The following SLC7A8 variants were observed in gnomAD, a reference collection of about 807,000 sequenced individuals.
SLC7A8 encodes the protein large neutral amino acids transporter small subunit 2.
In SLC7A8, 30 loss-of-function variants were observed where a neutral mutation model predicts 51.2. The observed-to-expected ratio is 0.59, with a 90% CI of 0.44 to 0.80. The LOEUF (loss-of-function observed/expected upper bound fraction) is 0.80. Ranked by LOEUF, SLC7A8 falls within the 30% of genes least tolerant of loss-of-function variation. SLC7A8 has a pLI of 0.00. For missense variants in SLC7A8, 612 were observed against 674.4 expected (o/e 0.91, Z 1.03); for synonymous variants, 257 against 275.8 (o/e 0.93, Z 0.67).
chr14:23,153,449 C>G lies in SLC7A8; in HGVS notation c.509-10245G>C, dbSNP rs150893178. On this transcript the variant is annotated intron_variant, in intron 3 of 10. Coordinates refer to ENST00000316902, the MANE Select transcript of SLC7A8 (RefSeq NM_012244.4). ...CGCTCCCACATCATCTCTCCTCCTG[C>G]TTGGGTCAGTGGTACCCATGGTCAC... is the stretch of plus-strand genomic sequence containing the variant. Among the ~76,000 whole-genome samples, 429 of 152,298 alleles carry G rather than the reference C, an allele frequency of 2.8e-3. 2 individuals are homozygous for G. Among genetic ancestry groups the G allele is most frequent in the African/African-American group, 9.7e-3 (402 of 41,560 alleles).
At chr14:23,149,886 G>A (rs760592851) in intron 3 of SLC7A8, among the ~76,000 whole-genome samples, 33 of 152,144 alleles carry the variant, frequency 2.2e-4, no homozygotes, top group African/African-American at 7.7e-4. Flanking sequence ...ACAGTGCTCA[G>A]TACAGTAACA....
At chr14:23,180,136 G>T (rs539071681) in intron 1 of SLC7A8, among the ~76,000 whole-genome samples, 1 of 152,142 alleles carries the variant, frequency 6.6e-6, no homozygotes, top group Non-Finnish European at 1.5e-5. Flanking sequence ...TTGATCTCCT[G>T]ACCTCGTGAT....
At chr14:23,164,739 C>A (rs890238779) in intron 3 of SLC7A8, among the ~76,000 whole-genome samples, 1 of 152,100 alleles carries the variant, frequency 6.6e-6, no homozygotes, top group Non-Finnish European at 1.5e-5. Flanking sequence ...GGCCTGTAAT[C>A]CCAGCACTTT....
intron 3 of SLC7A8, among the ~76,000 whole-genome samples, chr14:23,164,578 T>A (rs76888471): frequency 2.0e-5 from 3 of 151,940 alleles, no homozygotes; most frequent in Non-Finnish European, 2.9e-5. Context: ...GTGAAAATCA[T>A]AGTGCCTCCA....
chr14:23,129,864 G>T (rs1053411419), intron 8 of SLC7A8, 65 bp from the exon 9 acceptor site: 25 of 1,572,340 alleles, frequency 1.6e-5, no homozygotes, highest in Non-Finnish European at 2.2e-5. Flanking sequence ...TTACAGATTA[G>T]GGGCTGTCCC....
In SLC7A8 at chr14:23,165,155, C is replaced by G; in HGVS notation, c.508+130G>C. The G allele has an allele frequency of 2.1e-6, 2 of 957,488 alleles. No individual in the cohort carries two copies. The highest frequency in any genetic ancestry group is 2.9e-6 in the Non-Finnish European group (2 of 698,950). The allele number at this position is 957,488 out of a possible 1,614,324, so 59.3% of individuals were successfully genotyped here. On this transcript the variant is annotated intron_variant, in intron 3 of 10. Coordinates refer to ENST00000316902, the MANE Select transcript of SLC7A8 (RefSeq NM_012244.4). The surrounding 1 kb of genome is among the most constrained non-coding windows in gnomAD (Gnocchi z 4.2). ...ATCACTTGAGCCCAGGAGTTCAAGG[C>G]TGCAGTGAGCTATGATCATGCGGCT... is the stretch of plus-strand genomic sequence containing the variant.
intron 7 of SLC7A8, among the ~76,000 whole-genome samples, chr14:23,137,623 G>A (rs879367923): frequency 5.3e-5 from 8 of 152,204 alleles, no homozygotes; most frequent in Non-Finnish European, 1.2e-4. Flanking sequence ...TGGGGGCGGC[G>A]TCAGGCAGGC....
At chr14:23,130,643 C>T (rs568910471) in intron 8 of SLC7A8, among the ~76,000 whole-genome samples, 8 of 152,346 alleles carry the variant, frequency 5.3e-5, no homozygotes, top group Admixed American at 2.0e-4. Flanking sequence ...ACTGTCTTCT[C>T]CAGCCACCTT....
intron 1 of SLC7A8, among the ~76,000 whole-genome samples, chr14:23,167,140 G>T (rs923758640): frequency 6.6e-6 from 1 of 152,192 alleles, no homozygotes; most frequent in African/African-American, 2.4e-5. Flanking sequence ...TTCTACCCTA[G>T]ACATGACGGC....
intron 3 of SLC7A8, chr14:23,147,038 G>A (rs2048801092): frequency 6.7e-6 from 1 of 150,120 alleles, no homozygotes; most frequent in Admixed American, 6.6e-5. Context: ...TGTAGATGAG[G>A]ATCATTGGCC....
chr14:23,153,608 GA>G (rs530665519), intron 3 of SLC7A8, among the ~76,000 whole-genome samples: 56 of 152,302 alleles, frequency 3.7e-4, no homozygotes, highest in African/African-American at 1.3e-3. Flanking sequence ...TTATGCCTCA[GA>G]AACCAAGAAA....
intron 1 of SLC7A8, among the ~76,000 whole-genome samples, chr14:23,176,941 CAAAAAAAAA>C (rs10633003): frequency 1.4e-5 from 1 of 72,868 alleles, no homozygotes; most frequent in Admixed American, 1.6e-4. Flanking sequence ...GACTCTGTCT[CAAAAAAAAA>C]AAAAAAAAAA....
rs1422445310 is a variant in SLC7A8, at chr14:23,182,242, A to C, written c.151+522T>G. 3.3e-5 allele frequency among the ~76,000 whole-genome samples: 5 copies of C among 152,220 alleles called. No homozygotes were observed. In the East Asian group the frequency reaches 9.6e-4, roughly 29 times the overall value. On this transcript the variant is annotated intron_variant, in intron 1 of 10. Transcript: ENST00000316902. ...CTGTCACAGCTACTTCACACAGTAA[A>C]AGTGCTGCATAAGGTGGAAAACGCT...
At chr14:23,178,118 T>A (rs1227800303) in intron 1 of SLC7A8, among the ~76,000 whole-genome samples, 1 of 152,228 alleles carries the variant, frequency 6.6e-6, no homozygotes, top group Non-Finnish European at 1.5e-5. Context: ...TAATAAAGTG[T>A]CTACCAAATG....
intron 4 of SLC7A8, among the ~76,000 whole-genome samples, chr14:23,142,505 GTTTA>G (rs1375914923): frequency 6.6e-6 from 1 of 152,138 alleles, no homozygotes; most frequent in South Asian, 2.1e-4. Context: ...GTTTTTGTTT[GTTTA>G]TTTGTTTTTG....
At chr14:23,162,240 A>G (rs993966343) in intron 3 of SLC7A8, among the ~76,000 whole-genome samples, 21 of 152,166 alleles carry the variant, frequency 1.4e-4, no homozygotes, top group African/African-American at 4.8e-4. Context: ...GCAGCTCCAC[A>G]TGGCCTTCAC....
Position 23,127,266 on chromosome 14 carries a change from C to T in SLC7A8, c.1519G>A (p.Ala507Thr). 6.2e-7 allele frequency: 1 copy of T among 1,614,118 alleles called. No homozygotes were observed. The highest frequency in any genetic ancestry group is 8.5e-7 in the Non-Finnish European group (1 of 1,179,988). The change falls in exon 11 of 11, where the codon GCT (alanine) becomes ACT (threonine). Residue 507 changes from alanine (A) to threonine (T), a missense_variant. By Grantham distance (58) the Ala-to-Thr change is moderately conservative (BLOSUM62 0). Transcript: ENST00000316902. ...TGCTGCTCCTCCATGTCCTCATTAG[C>T]CTCCTCTGTCCCTGAGCCCCGCTCC... ...EVERGSGTEE[A>T]NEDMEEQQQP...
intron 1 of SLC7A8, among the ~76,000 whole-genome samples, chr14:23,175,350 A>G (rs1388741377): frequency 6.6e-6 from 1 of 152,156 alleles, no homozygotes; most frequent in African/African-American, 2.4e-5. Flanking sequence ...CTGGGACTAC[A>G]GGAATCTGCC....
intron 1 of SLC7A8, among the ~76,000 whole-genome samples, chr14:23,181,119 G>T (rs188902899): frequency 8.5e-5 from 13 of 152,284 alleles, no homozygotes; most frequent in Middle Eastern, 3.4e-3. Context: ...GCCTGTGGGC[G>T]TGCGCATCTG....
Sources: gnomAD v4.1 joint callset for allele counts (sites outside exome capture counted in the v4.1 genomes callset) on GRCh38, gnomAD v4.1.1 for gene constraint, Gnocchi (gnomAD v3.1) non-coding constraint, MANE v1.5 for transcripts, NCBI Gene and HGNC (gene_info 2026-07-23, HGNC 2026-07-21) for gene names.